The following UACA variants were observed in gnomAD, a reference collection of about 807,000 sequenced individuals.
UACA encodes the protein nuclear membrane binding protein.
A neutral mutation model predicts 160.5 loss-of-function variants in UACA; 112 were observed. That is an observed-to-expected ratio of 0.70 (90% CI 0.60 to 0.82). The LOEUF (loss-of-function observed/expected upper bound fraction) is 0.82. UACA is among the 40% of genes least tolerant of loss of function. The pLI, the probability that UACA is intolerant of heterozygous loss-of-function variation, is 0.00. For synonymous variants in UACA, 557 were observed against 568.4 expected (o/e 0.98, Z 0.29); for missense variants, 1,574 against 1,614.6 (o/e 0.97, Z 0.43).
intron 1 of UACA, among the ~76,000 whole-genome samples, chr15:70,723,847 T>C (rs993293354): frequency 1.1e-4 from 17 of 152,130 alleles, no homozygotes; most frequent in African/African-American, 4.1e-4. Context: ...TTGGCCAGGA[T>C]GGTCTCGATC....
chr15:70,667,751 T>A lies in UACA; in HGVS notation c.2933A>T (p.Gln978Leu). The change falls in exon 16 of 19, where the codon CAA (glutamine) becomes CTA (leucine). Residue 978 changes from glutamine (Q) to leucine (L), a missense_variant. Transcript: ENST00000322954. ...GGCGTATTTTACCTTAATGCATTCT[T>A]GTATTGTGTCGAGCTCCTTCTTCTG... ...KAQKKELDTI[Q>L]ECIKVKYAPI... The A allele has an allele frequency of 6.2e-7, 1 of 1,614,080 alleles. No individual in the cohort carries two copies. Among genetic ancestry groups the A allele is most frequent in the Non-Finnish European group, 8.5e-7 (1 of 1,179,988 alleles).
intron 2 of UACA, among the ~76,000 whole-genome samples, 190 bp from the exon 3 acceptor site, chr15:70,695,295 C>T (rs1316617162): frequency 6.6e-6 from 1 of 151,876 alleles, no homozygotes; most frequent in Non-Finnish European, 1.5e-5. Context: ...ACATAAGGGG[C>T]CAATACTTTC....
chr15:70,688,661 G>A (rs1032120303), intron 5 of UACA, among the ~76,000 whole-genome samples: 9 of 151,920 alleles, frequency 5.9e-5, no homozygotes, highest in African/African-American at 9.7e-5. Context: ...GACCCTTTAC[G>A]TCCAATTATA....
chr15:70,717,595 C>T (rs536820868), intron 1 of UACA, among the ~76,000 whole-genome samples: 1 of 152,304 alleles, frequency 6.6e-6, no homozygotes, highest in Admixed American at 6.5e-5. Flanking sequence ...GGCAAGAAGA[C>T]ACCTAGTTTA....
At chr15:70,750,753 C>T (rs534987795) in intron 1 of UACA, among the ~76,000 whole-genome samples, 37 of 152,240 alleles carry the variant, frequency 2.4e-4, no homozygotes, top group Admixed American at 8.5e-4. Flanking sequence ...TGCCTGTAGT[C>T]CCAGCTACGC....
At chr15:70,662,753 A>C (rs1469354442) in intron 17 of UACA, among the ~76,000 whole-genome samples, 7 of 152,202 alleles carry the variant, frequency 4.6e-5, no homozygotes, top group Non-Finnish European at 1.0e-4. Flanking sequence ...CAAAAACAAG[A>C]AATGGGGAAA....
intron 1 of UACA, among the ~76,000 whole-genome samples, chr15:70,701,046 GAA>G (rs1485463231): frequency 6.6e-6 from 1 of 152,012 alleles, no homozygotes; most frequent in Admixed American, 6.5e-5. Context: ...ACTTGATGTA[GAA>G]AATGAATATG....
At chr15:70,729,255 AT>A (rs1373136686) in intron 1 of UACA, among the ~76,000 whole-genome samples, 2 of 152,190 alleles carry the variant, frequency 1.3e-5, no homozygotes, top group Non-Finnish European at 2.9e-5. Flanking sequence ...CTGCAGCACT[AT>A]TCACAATAGC....
chr15:70,679,765 G>T, intron 9 of UACA, 89 bp from the exon 10 acceptor site: 1 of 749,548 alleles, frequency 1.3e-6, no homozygotes, highest in South Asian at 1.7e-5. Context: ...CCCAGTTAGT[G>T]ATTTTCAGTT....
At chr15:70,665,824 T>G (rs191487135) in intron 16 of UACA, among the ~76,000 whole-genome samples, 1 of 152,300 alleles carries the variant, frequency 6.6e-6, no homozygotes, top group Admixed American at 6.5e-5. Flanking sequence ...TCTGTGTCTG[T>G]GTTTACTCCA....
intron 1 of UACA, chr15:70,749,292 C>T (rs752709808): frequency 8.1e-6 from 3 of 370,728 alleles, no homozygotes; most frequent in South Asian, 2.1e-5. Flanking sequence ...TTTGGGAGGC[C>T]GAAGTGGGCG....
chr15:70,749,645 G>A (rs1469655154), intron 1 of UACA, among the ~76,000 whole-genome samples: 1 of 140,422 alleles, frequency 7.1e-6, no homozygotes, highest in Non-Finnish European at 1.5e-5. Context: ...CTTGCAGTGA[G>A]CAGAGATCGC....
At chr15:70,770,986 C>T in the UACA span, among the ~76,000 whole-genome samples, 2 of 152,214 alleles carry the variant, frequency 1.3e-5, no homozygotes, top group East Asian at 1.9e-4. Context: ...CAGCAAATCA[C>T]CTAACAACAA....
chr15:70,688,824 T>G (rs1028959605), intron 5 of UACA, among the ~76,000 whole-genome samples: 2 of 152,110 alleles, frequency 1.3e-5, no homozygotes, highest in Admixed American at 1.3e-4. Context: ...TGTTTATATA[T>G]CCTCTCCTTT....
intron 1 of UACA, among the ~76,000 whole-genome samples, chr15:70,711,781 C>A: frequency 6.6e-6 from 1 of 151,954 alleles, no homozygotes; most frequent in South Asian, 2.1e-4. Context: ...TACTATAACA[C>A]CACCACAATA....
chr15:70,735,689 T>G (rs1307767303), intron 1 of UACA, among the ~76,000 whole-genome samples: 1 of 152,200 alleles, frequency 6.6e-6, no homozygotes, highest in Non-Finnish European at 1.5e-5. Context: ...TTTGTTTGTT[T>G]GTTTTTGAGA....
intron 1 of UACA, among the ~76,000 whole-genome samples, chr15:70,746,089 C>CT (rs1899700773): frequency 6.6e-6 from 1 of 152,130 alleles, no homozygotes; most frequent in African/African-American, 2.4e-5. Context: ...GACTTCATGA[C>CT]TAAAACACCA....
At chr15:70,714,217 G>A (rs1371559214) in intron 1 of UACA, among the ~76,000 whole-genome samples, 1 of 152,172 alleles carries the variant, frequency 6.6e-6, no homozygotes, top group Non-Finnish European at 1.5e-5. Flanking sequence ...TCACTGGATT[G>A]ATGATGGCTA....
intron 1 of UACA, among the ~76,000 whole-genome samples, chr15:70,726,602 C>T (rs952375184): frequency 1.3e-5 from 2 of 152,030 alleles, no homozygotes; most frequent in Non-Finnish European, 2.9e-5. Flanking sequence ...GTTTTAAGAT[C>T]ACATGTTAAG....
Sources: gnomAD v4.1 joint callset for allele counts (sites outside exome capture counted in the v4.1 genomes callset) on GRCh38, gnomAD v4.1.1 for gene constraint, MANE v1.5 for transcripts, NCBI Gene and HGNC (gene_info 2026-07-23, HGNC 2026-07-21) for gene names.